MYO18A: variants seen among roughly 807,000 people sequenced by gnomAD.
MYO18A encodes the protein unconventional myosin-XVIIIa.
In MYO18A, 78 loss-of-function variants were observed where a neutral mutation model predicts 235.8. That is an observed-to-expected ratio of 0.33 (90% confidence interval 0.28 to 0.40). The LOEUF (loss-of-function observed/expected upper bound fraction) is 0.40, where lower values mean the gene tolerates loss of function less well. MYO18A is among the 10% of genes least tolerant of loss of function. MYO18A has a pLI of 1.00. For synonymous variants in MYO18A, 977 were observed against 1,077.8 expected, an observed-to-expected ratio of 0.91 and a Z score of 1.83; for missense variants, 2,215 against 2,699.3, an observed-to-expected ratio of 0.82 and a Z score of 3.98.
intron 36 of MYO18A, 46 bp from the exon 37 acceptor site, chr17:29,090,144 GGGAGGAGACTGC>G (rs1568046738): frequency 1.3e-6 from 2 of 1,588,666 alleles, no homozygotes; most frequent in East Asian, 4.5e-5. Context: ...AGCCCAGAAA[GGGAGGAGACTGC>G]GTCTGGGGCA....
At chr17:29,119,821 C>T (rs1330397124) in intron 7 of MYO18A, among the ~76,000 whole-genome samples, 1 of 152,072 alleles carries the variant, frequency 6.6e-6, no homozygotes, top group Admixed American at 6.5e-5. Context: ...ACCTCAGCCT[C>T]CCGAAGTGCT....
Position 29,121,679 on chromosome 17 carries a change from C to G in MYO18A, c.1239G>C (p.Leu413=), listed in dbSNP as rs1318949244. ...SCDRLEDLAS[L]VYLNESSVLH... ...GGACGCTGGACTCATTGAGGTACAC[C>G]AGTGAGGCCAGATCCTCCAGACGGT... Residue 413 remains leucine, a synonymous_variant, in exon 5 of 42, where the codon CTG becomes CTC. Transcript: ENST00000527372. The surrounding 1 kb of genome is among the most constrained non-coding windows in gnomAD (Gnocchi z 4.2). 1 of 1,564,200 alleles carries G rather than the reference C, an allele frequency of 6.4e-7. No homozygotes were observed. Among genetic ancestry groups the G allele is most frequent in the Non-Finnish European group, 8.7e-7 (1 of 1,154,320 alleles).
intron 2 of MYO18A, among the ~76,000 whole-genome samples, chr17:29,149,767 G>A (rs1395022059): frequency 1.3e-5 from 2 of 152,102 alleles, no homozygotes; most frequent in East Asian, 1.9e-4. Context: ...GCTTTGCCAA[G>A]CTCCCCCAAG....
chr17:29,108,726 C>A (rs916715965), intron 19 of MYO18A, among the ~76,000 whole-genome samples: 2 of 152,114 alleles, frequency 1.3e-5, no homozygotes, highest in African/African-American at 4.8e-5. Flanking sequence ...ACAAAGTGAG[C>A]TATTGATTGT....
At position 29,115,406 on chromosome 17, in the gene MYO18A, T is replaced by C. The variant is rs749891399; in HGVS notation, c.2263A>G (p.Met755Val). 1 of 1,613,898 alleles carries C rather than the reference T, an allele frequency of 6.2e-7. No individual in the cohort carries two copies. Among genetic ancestry groups the C allele is most frequent in the Non-Finnish European group, 8.5e-7 (1 of 1,179,858 alleles). ...AGCTCGCTGTAGAGGCCGGCCGCCA[T>C]GCCCTCAAGGCACTCCAGTGCACTC... ...KLSALECLEG[M>V]AAGLYSELFT... The change falls in exon 13 of 42, where the codon ATG (methionine) becomes GTG (valine). Residue 755 changes from methionine to valine, a missense_variant. Transcript: ENST00000527372.
intron 2 of MYO18A, among the ~76,000 whole-genome samples, chr17:29,156,026 G>A (rs2152957479): frequency 6.6e-6 from 1 of 152,262 alleles, no homozygotes; most frequent in South Asian, 2.1e-4. Flanking sequence ...GGCCCCAGGA[G>A]CAGAGCAACT....
Position 29,109,909 on chromosome 17 carries a change from T to C in MYO18A, c.3280A>G (p.Thr1094Ala), listed in dbSNP as rs773740865. Residue 1094 changes from threonine (T) to alanine (A), a missense_variant, in exon 19 of 42, where the codon ACC becomes GCC. By Grantham distance (58) the Thr-to-Ala change is moderately conservative. Transcript: ENST00000527372. This position sits in a 1 kb window ranked among gnomAD's most constrained non-coding sequence, Gnocchi z 4.1. ...AGCAGGCGGGAGCCGCGGAGCTGGG[T>C]GCGGAGCAGGGGCACGTCGAGCTGC... is the stretch of plus-strand genomic sequence containing the variant. The part of the protein sequence containing the change: ...LLQLDVPLLR[T>A]QLRGSRLLDA... The C allele has an allele frequency of 3.2e-6, 5 of 1,583,142 alleles. No individual in the cohort carries two copies. The highest frequency in any genetic ancestry group is 4.3e-6 in the Non-Finnish European group (5 of 1,164,786).
intron 2 of MYO18A, among the ~76,000 whole-genome samples, chr17:29,139,954 G>A (rs2067697039): frequency 6.6e-6 from 1 of 152,120 alleles, no homozygotes; most frequent in African/African-American, 2.4e-5. Flanking sequence ...GTGGGGCTGG[G>A]GCTTTGGAAG....
In MYO18A at chr17:29,115,046, G is replaced by A. The variant is rs1194995246; in HGVS notation, c.2372C>T (p.Pro791Leu). The A allele has an allele frequency of 1.2e-6, 2 of 1,613,796 alleles. No individual in the cohort carries two copies. Among genetic ancestry groups the A allele is most frequent in the Non-Finnish European group, 8.5e-7 (1 of 1,179,858 alleles). ...ACCCTGCTCAGGGTTCTGGAAGCCC[G>A]GGGTGTCGACAATCATCATGGAGCA... ...SLCSMMIVDT[P>L]GFQNPEQGGS... is the part of the protein sequence containing the mutation. The change falls in exon 14 of 42, where the codon CCG (proline) becomes CTG (leucine). Residue 791 changes from proline (P) to leucine (L), a missense_variant. Transcript: ENST00000527372.
At chr17:29,141,424 T>G (rs1160762277) in intron 2 of MYO18A, among the ~76,000 whole-genome samples, 1 of 124,898 alleles carries the variant, frequency 8.0e-6, no homozygotes, top group Non-Finnish European at 1.7e-5. Context: ...ATTGCCTCCC[T>G]CTTCCTCTTT....
intron 39 of MYO18A, among the ~76,000 whole-genome samples, chr17:29,086,020 C>T (rs78994126): frequency 6.6e-6 from 1 of 152,246 alleles, no homozygotes; most frequent in East Asian, 1.9e-4. Context: ...ACTGTCTCCT[C>T]AGCCTAAGAC....
rs1268243499 is a variant in MYO18A, at chr17:29,106,033, A to G, written c.3441+1047T>C. Among the ~76,000 whole-genome samples the G allele has an allele frequency of 1.3e-5, 2 of 152,136 alleles. No homozygotes were observed. The highest frequency in any genetic ancestry group is 2.9e-5 in the Non-Finnish European group (2 of 68,022). On this transcript the variant is annotated intron_variant, in intron 20 of 41. Transcript: ENST00000527372. This position sits in a 1 kb window ranked among gnomAD's most constrained non-coding sequence, Gnocchi z 4.6. ...AAGGAGACAATTCACAGAGAAATGG[A>G]GTGTGATCCAGAAAGAGAGGTTCTG...
In MYO18A at chr17:29,166,377, C is replaced by A. The variant is rs1340140304; in HGVS notation, c.564G>T (p.Gly188=). 1.2e-6 allele frequency: 2 copies of A among 1,613,510 alleles called. No individual in the cohort carries two copies. Among genetic ancestry groups the A allele is most frequent in the Admixed American group, 3.3e-5 (2 of 60,022 alleles). Residue 188 remains glycine, a synonymous_variant, in exon 2 of 42, where the codon GGG becomes GGT. Transcript: ENST00000527372. The part of the protein sequence containing the change: ...QHPGPGIPRP[G]HRSRAPELVT... ...CTAGCTCAGGGGCTCGGGATCGGTGCCCTGGTCGAGGGATGCCTGGGCCAG... is the reference window on the plus strand; with the variant it reads ...CTAGCTCAGGGGCTCGGGATCGGTGACCTGGTCGAGGGATGCCTGGGCCAG...
Position 29,098,408 on chromosome 17 carries a change from G to A in MYO18A, c.3818C>T (p.Ala1273Val), listed in dbSNP as rs779012908. The change falls in exon 24 of 42, where the codon GCG (alanine) becomes GTG (valine). Residue 1273 changes from alanine (A) to valine (V), a missense_variant. By Grantham distance (64) the Ala-to-Val change is moderately conservative. Transcript: ENST00000527372. ...IQQLRSKLEK[A>V]EKERNELRLN... is the part of the protein sequence containing the mutation. ...CCGCAGCTCGTTCCTCTCCTTCTCC[G>A]CCTTCTCGAGCTTGCTCCGCAGCTG... 2.4e-5 allele frequency: 39 copies of A among 1,613,786 alleles called. No individual in the cohort carries two copies. The highest frequency in any genetic ancestry group is 5.3e-5 in the African/African-American group (4 of 74,922).
At chr17:29,149,511 T>C (rs548489163) in intron 2 of MYO18A, among the ~76,000 whole-genome samples, 1 of 152,252 alleles carries the variant, frequency 6.6e-6, no homozygotes, top group African/African-American at 2.4e-5. Context: ...AGTCCCTGCA[T>C]TGGCACACCC....
In MYO18A at chr17:29,094,293, C is replaced by T; in HGVS notation, c.4711-203G>A. ...GGTCTGGCATAGGCCCACAGAGAGG[C>T]AGCTGGGGTGGGGACAGTCCTGCAG... On this transcript the variant is annotated intron_variant, in intron 30 of 41. Coordinates refer to ENST00000527372, the MANE Select transcript of MYO18A (RefSeq NM_078471.4). The T allele has an allele frequency of 3.3e-6, 2 of 602,650 alleles. 1 individual carries two copies. Among genetic ancestry groups the T allele is most frequent in the Middle Eastern group, 8.7e-4 (2 of 2,286 alleles). 37.3% of individuals were successfully genotyped at this position (602,650 alleles called of 1,614,324 possible).
At chr17:29,084,875 GCATCTGCATCCGCTGTC>G (rs1319735661) in intron 40 of MYO18A, among the ~76,000 whole-genome samples, 5 of 152,084 alleles carry the variant, frequency 3.3e-5, no homozygotes, top group African/African-American at 9.7e-5. Flanking sequence ...GAAGGCCTGC[GCATCTGCATCCGCTGTC>G]CAGCTCCCAC....
chr17:29,129,555 G>C (rs1465341357), intron 2 of MYO18A, among the ~76,000 whole-genome samples: 1 of 152,180 alleles, frequency 6.6e-6, no homozygotes, highest in Non-Finnish European at 1.5e-5. Context: ...GGGCAACCTG[G>C]GTTCTCCTTG....
At chr17:29,080,259 G>C (rs1479924836) in intron 41 of MYO18A, 1 of 985,834 alleles carries the variant, frequency 1.0e-6, no homozygotes, top group East Asian at 1.1e-4. Flanking sequence ...TCAAGACCTC[G>C]TTGACGGCAG....
Sources: allele counts gnomAD v4.1 joint callset (sites outside exome capture counted in the v4.1 genomes callset), GRCh38; gene constraint gnomAD v4.1.1; non-coding constraint Gnocchi (gnomAD v3.1); transcripts MANE v1.5; gene names NCBI Gene and HGNC (gene_info 2026-07-23, HGNC 2026-07-21).